ZNF467: variants seen among roughly 807,000 people sequenced by gnomAD.
ZNF467 encodes zinc finger protein EZI.
A neutral mutation model predicts 47.8 loss-of-function variants in ZNF467; 51 were observed. The ratio of observed to expected loss-of-function variants is 1.07; its 90% CI spans 0.85 to 1.35. The LOEUF is 1.35. ZNF467 is among the 40% of genes most tolerant of loss of function. The probability of loss-of-function intolerance (pLI) is 0.00; values close to 1 mark genes in which losing one functional copy is unlikely to be tolerated. For missense variants in ZNF467, 992 were observed against 858.1 expected (o/e 1.16, Z -1.95); for synonymous variants, 416 against 372.9 (o/e 1.12, Z -1.33).
chr7:149,770,515 G>T lies in ZNF467; in HGVS notation c.76C>A (p.Pro26Thr). ...GQPEMAPQSE[P>T]REGSHNAQEQ... Reference sequence around the variant, plus strand: ...TGGGCATTATGGGATCCTTCCCTGGGCTCACTTTGGGGGGCCATCTCTGGC... The same window carrying T: ...TGGGCATTATGGGATCCTTCCCTGGTCTCACTTTGGGGGGCCATCTCTGGC... The change falls in exon 3 of 5, where the codon CCC becomes ACC. Residue 26 changes from proline (P) to threonine (T), a missense_variant. Physicochemically the swap from Pro to Thr is conservative, Grantham distance 38. Coordinates refer to ENST00000302017, the MANE Select transcript of ZNF467 (RefSeq NM_207336.3). The T allele has an allele frequency of 6.2e-7, 1 of 1,613,702 alleles. No homozygotes were observed. Among genetic ancestry groups the T allele is most frequent in the South Asian group, 1.1e-5 (1 of 91,038 alleles).
In ZNF467 at chr7:149,765,349, C is replaced by A; in HGVS notation, c.1153G>T (p.Gly385Trp). 1 of 1,532,578 alleles carries A rather than the reference C, an allele frequency of 6.5e-7. No homozygotes were observed. The highest frequency in any genetic ancestry group is 1.3e-5 in the South Asian group (1 of 79,614). 94.9% of individuals were successfully genotyped at this position (1,532,578 alleles called of 1,614,324 possible). Reference sequence around the variant, plus strand: ...GCGCCCAGTGCGCACTCATCGCACCCAAAGGGGCGACCCTCGCTGCGGTGC... The same window carrying A: ...GCGCCCAGTGCGCACTCATCGCACCAAAAGGGGCGACCCTCGCTGCGGTGC... ...CLHRSEGRPFGCDECALGATV... is the reference protein window; with the variant it reads ...CLHRSEGRPFWCDECALGATV... Residue 385 changes from glycine to tryptophan, a missense_variant, in exon 5 of 5, where the codon GGG (glycine) becomes TGG (tryptophan). Coordinates refer to ENST00000302017, the MANE Select transcript of ZNF467 (RefSeq NM_207336.3).
At chr7:149,776,301 A>G (rs768718848), upstream of ZNF467, 1 of 1,334,184 alleles carries the variant, frequency 7.5e-7, no homozygotes, top group Non-Finnish European at 1.0e-6. Context: ...GCTTTTGGTG[A>G]CAGAGGGAAT....
chr7:149,765,637 GAATC>G lies in ZNF467; in HGVS notation c.861_864del (p.Leu287PhefsTer75). 8 of 1,609,238 alleles carry G rather than the reference GAATC, an allele frequency of 5.0e-6. No homozygotes were observed. The highest frequency in any genetic ancestry group is 5.9e-6 in the Non-Finnish European group (7 of 1,178,080). ...TCGCCCGTATGGATGCGCTGGTGCC[GAATC>G]AAGTGCGTCTTCTTGCGAAAGCGCT... On this transcript the variant is annotated frameshift_variant, in exon 5 of 5. Transcript: ENST00000302017. LOFTEE classifies it high-confidence loss of function.
At position 149,764,891 on chromosome 7, in the gene ZNF467, G is replaced by A. The variant is rs1799111028; in HGVS notation, c.1611C>T (p.His537=). Residue 537 remains histidine, a synonymous_variant, in exon 5 of 5, where the codon CAC becomes CAT. Transcript: ENST00000302017. ...KTNLVRHQAI[H]TGSRPFSCPQ... ...GGCAGGAGAAGGGGCGGGAGCCTGT[G>A]TGGATCGCCTGGTGGCGGACTAGGT... is the stretch of plus-strand genomic sequence containing the variant. 1 of 1,566,274 alleles carries A rather than the reference G, an allele frequency of 6.4e-7. No homozygotes were observed. The highest frequency in any genetic ancestry group is 8.6e-7 in the Non-Finnish European group (1 of 1,158,588).
upstream of ZNF467, among the ~76,000 whole-genome samples, chr7:149,774,935 CG>C (rs1799533537): frequency 6.6e-6 from 1 of 152,206 alleles, no homozygotes; most frequent in South Asian, 2.1e-4. This position sits in a 1 kb window ranked among gnomAD's most constrained non-coding sequence, Gnocchi z 5.7. Flanking sequence ...ACAGGATACT[CG>C]GAGGGATATC....
upstream of ZNF467, chr7:149,776,479 C>A (rs370028003): frequency 2.3e-6 from 3 of 1,328,958 alleles, no homozygotes; most frequent in African/African-American, 3.0e-5. Flanking sequence ...CTGGAGTGGC[C>A]GCTCGGGGCT....
rs1799070568 is a variant in ZNF467, at chr7:149,764,367, C to T, written c.*347G>A. The T allele has an allele frequency of 1.8e-6, 1 of 556,376 alleles. No individual in the cohort carries two copies. Among genetic ancestry groups the T allele is most frequent in the South Asian group, 2.4e-5 (1 of 40,836 alleles). The allele number at this position is 556,376 out of a possible 1,614,324, so 34.5% of individuals were successfully genotyped here. On this transcript the variant is annotated 3_prime_UTR_variant, in exon 5 of 5. Transcript: ENST00000302017. Reference sequence around the variant, plus strand: ...TTCATTTAGCAGCCCCAGAACTTTCCGATTTTAACTTTAATGAAACTTTAA... The same window carrying T: ...TTCATTTAGCAGCCCCAGAACTTTCTGATTTTAACTTTAATGAAACTTTAA...
upstream of ZNF467, among the ~76,000 whole-genome samples, chr7:149,775,783 C>G (rs979401761): frequency 2.0e-5 from 3 of 151,458 alleles, no homozygotes; most frequent in African/African-American, 7.3e-5. Context: ...TGGAAGGGGA[C>G]AGGAAGGAGA....
chr7:149,764,729 G>T lies in ZNF467; in HGVS notation c.1773C>A (p.Pro591=), dbSNP rs758931399. ...AGAACTAGGCTCAGAAGAAGAGCGG[G>T]GGCGGCGCCACCTCGGGGGGAGCGG... ...AWSAPPEVAP[P]PLFF The change falls in exon 5 of 5, where the codon CCC becomes CCA. Residue 591 remains proline, a synonymous_variant. Coordinates refer to ENST00000302017, the MANE Select transcript of ZNF467 (RefSeq NM_207336.3). 8 of 1,559,290 alleles carry T rather than the reference G, an allele frequency of 5.1e-6. No homozygotes were observed. In the African/African-American group the frequency reaches 1.1e-4, roughly 21 times the overall value.
upstream of ZNF467, chr7:149,776,367 G>T: frequency 7.3e-7 from 1 of 1,363,566 alleles, no homozygotes; most frequent in East Asian, 4.6e-5. Flanking sequence ...AGTGGACAGA[G>T]ACCATCCGTG....
rs1465225886 is a variant in ZNF467, at chr7:149,764,911, C to G, written c.1591G>C (p.Val531Leu). Reference protein sequence around the residue: ...ARSFSSKTNLVRHQAIHTGSR... With the variant: ...ARSFSSKTNLLRHQAIHTGSR... The stretch of plus-strand genomic sequence containing the variant: ...CCTGTGTGGATCGCCTGGTGGCGGA[C>G]TAGGTTGGTTTTGGAGCTGAAGCTG... Residue 531 changes from valine to leucine, a missense_variant, in exon 5 of 5, where the codon GTC becomes CTC. By Grantham distance (32) the Val-to-Leu change is conservative. Coordinates refer to ENST00000302017, the MANE Select transcript of ZNF467 (RefSeq NM_207336.3). The G allele has an allele frequency of 6.4e-7, 1 of 1,567,650 alleles. No homozygotes were observed. The highest frequency in any genetic ancestry group is 2.3e-5 in the East Asian group (1 of 44,074).
upstream of ZNF467, chr7:149,776,195 TCC>T: frequency 1.6e-6 from 1 of 617,138 alleles, no homozygotes; most frequent in Non-Finnish European, 2.4e-6. Flanking sequence ...CCCGGGATCC[TCC>T]CTCCACCCCC....
upstream of ZNF467, among the ~76,000 whole-genome samples, chr7:149,773,651 G>T (rs907728714): frequency 7.0e-6 from 1 of 143,230 alleles, no homozygotes; most frequent in Admixed American, 6.9e-5. Flanking sequence ...CGGGTGGGGG[G>T]GTGGCGGGGA....
chr7:149,764,727 G>C lies in ZNF467; in HGVS notation c.1775C>G (p.Pro592Arg), dbSNP rs776216307. The C allele has an allele frequency of 1.3e-6, 2 of 1,560,404 alleles. No homozygotes were observed. Among genetic ancestry groups the C allele is most frequent in the Non-Finnish European group, 1.7e-6 (2 of 1,149,468 alleles). The change falls in exon 5 of 5, where the codon CCG becomes CGG. Residue 592 changes from proline (P) to arginine (R), a missense_variant. Transcript: ENST00000302017. ...WSAPPEVAPP[P>R]LFF ...TGAGAACTAGGCTCAGAAGAAGAGCGGGGGCGGCGCCACCTCGGGGGGAGC... is the reference window on the plus strand; with the variant it reads ...TGAGAACTAGGCTCAGAAGAAGAGCCGGGGCGGCGCCACCTCGGGGGGAGC...
chr7:149,776,112 C>T (rs1471649448), upstream of ZNF467: 1 of 1,358,572 alleles, frequency 7.4e-7, no homozygotes, highest in Middle Eastern at 2.4e-4. Context: ...CACCCTGGAC[C>T]CCTCTGACAA....
At chr7:149,771,555 T>C (rs1239549251) in intron 1 of ZNF467, among the ~76,000 whole-genome samples, 1 of 152,082 alleles carries the variant, frequency 6.6e-6, no homozygotes, top group Non-Finnish European at 1.5e-5. Flanking sequence ...GGGTACTGCT[T>C]GGGGAGGTCC....
In ZNF467 at chr7:149,765,451, C is replaced by T. The variant is rs1488806372; in HGVS notation, c.1051G>A (p.Gly351Arg). The T allele has an allele frequency of 1.9e-6, 3 of 1,583,494 alleles. No individual in the cohort carries two copies. The highest frequency in any genetic ancestry group is 1.8e-5 in the Admixed American group (1 of 54,402). Residue 351 changes from glycine to arginine, a missense_variant, in exon 5 of 5, where the codon GGG (glycine) becomes AGG (arginine). Physicochemically the swap from Gly to Arg is moderately radical, Grantham distance 125. Transcript: ENST00000302017. ...TCGGAGCACGCGAAAGGCTTTGGCC[C>T]GGGAAAGGATGGGGTCGGGGACGGG... ...TAPSPTPSFP[G>R]PKPFACSDCG...
At chr7:149,776,260 AC>A (rs1232726025), upstream of ZNF467, 12 of 1,222,030 alleles carry the variant, frequency 9.8e-6, no homozygotes, top group Non-Finnish European at 9.7e-6. Flanking sequence ...TACTTCAATA[AC>A]CACCCCTGGG....
Position 149,769,730 on chromosome 7 carries a change from C to T in ZNF467, c.152-530G>A, listed in dbSNP as rs1216471811. ...TTTAGAGAAAGGTCCTCTCTGTCACCCAGGCTGGAGTGCAGTGGCACGATC... is the reference window on the plus strand; with the variant it reads ...TTTAGAGAAAGGTCCTCTCTGTCACTCAGGCTGGAGTGCAGTGGCACGATC... On this transcript the variant is annotated intron_variant, in intron 3 of 4. Coordinates refer to ENST00000302017, the MANE Select transcript of ZNF467 (RefSeq NM_207336.3). The surrounding 1 kb of genome is among the most constrained non-coding windows in gnomAD (Gnocchi z 5.3). 6.6e-6 allele frequency among the ~76,000 whole-genome samples: 1 copy of T among 152,180 alleles called. No individual in the cohort carries two copies. The highest frequency in any genetic ancestry group is 1.5e-5 in the Non-Finnish European group (1 of 68,024).
Sources: gnomAD v4.1 joint callset for allele counts (sites outside exome capture counted in the v4.1 genomes callset) on GRCh38, gnomAD v4.1.1 for gene constraint, Gnocchi (gnomAD v3.1) non-coding constraint, MANE v1.5 for transcripts, NCBI Gene and HGNC (gene_info 2026-07-23, HGNC 2026-07-21) for gene names.